EPHA5: variants seen among roughly 807,000 people sequenced by gnomAD.
EPHA5 encodes the protein ephrin type-A receptor 5.
In EPHA5, 60 loss-of-function variants were observed where a neutral mutation model predicts 105.0. The observed-to-expected ratio is 0.57, with a 90% confidence interval of 0.46 to 0.71. The LOEUF is 0.71. Among genes scored for constraint, EPHA5 ranks in the 30% least tolerant of loss-of-function variants. The probability of loss-of-function intolerance (pLI) is 0.00; values close to 1 mark genes in which losing one functional copy is unlikely to be tolerated. For synonymous variants in EPHA5, 513 were observed against 449.1 expected (o/e 1.14, Z -1.80); for missense variants, 1,218 against 1,274.7 (o/e 0.96, Z 0.68).
chr4:65,648,881 A>G (rs1252289504), intron 1 of EPHA5, among the ~76,000 whole-genome samples: 1 of 152,220 alleles, frequency 6.6e-6, no homozygotes, highest in Non-Finnish European at 1.5e-5. Flanking sequence ...TAGTTTGACA[A>G]CTGCTGCAGG....
intron 5 of EPHA5, among the ~76,000 whole-genome samples, chr4:65,449,849 C>T (rs1386713867): frequency 6.6e-6 from 1 of 152,026 alleles, no homozygotes; most frequent in Non-Finnish European, 1.5e-5. Context: ...TATGCTGCCA[C>T]CACCCAGAAC....
intron 2 of EPHA5, among the ~76,000 whole-genome samples, chr4:65,604,622 T>G (rs1034012790): frequency 6.6e-6 from 1 of 152,174 alleles, no homozygotes; most frequent in South Asian, 2.1e-4. Flanking sequence ...CAGAAAGATT[T>G]TATTTTAGGC....
intron 8 of EPHA5, 114 bp from the exon 9 acceptor site, chr4:65,367,538 C>A: frequency 1.1e-6 from 1 of 922,082 alleles, no homozygotes; most frequent in Non-Finnish European, 1.7e-6. Context: ...GATTTTCATA[C>A]TAGTAGTTTG....
At chr4:65,399,240 T>C (rs1211261012) in intron 8 of EPHA5, among the ~76,000 whole-genome samples, 1 of 152,166 alleles carries the variant, frequency 6.6e-6, no homozygotes. Context: ...CTGGCACTAA[T>C]TAAGTACTTG....
rs1430096557 is a variant in EPHA5, at chr4:65,333,530, AGTGTGTGTCTGTGTGTGTGTGTGTGT to A, written c.2790-1428_2790-1403del. ...ACAATTGTGTGCGTGTGCGTGTGAG[AGTGTGTGTCTGTGTGTGTGTGTGTGT>A]GTGTGTGTGTGTGTGTGTGTGTGCT... On this transcript the variant is annotated intron_variant, in intron 15 of 16. Transcript: ENST00000613740. 2.5e-4 allele frequency among the ~76,000 whole-genome samples: 31 copies of A among 122,606 alleles called. 1 individual carries two copies. The South Asian group carries it at 8.5e-3, about 34-fold the overall frequency. 80.4% of individuals were successfully genotyped at this position (122,606 alleles called of 152,430 possible). A position where few individuals can be genotyped will look rare whatever the true frequency, so the allele number is the denominator to read the frequency against.
At chr4:65,490,335 A>C in intron 5 of EPHA5, 42 bp downstream of exon 5, 1 of 1,560,972 alleles carries the variant, frequency 6.4e-7, no homozygotes, top group Non-Finnish European at 8.8e-7. Flanking sequence ...AATTGACAGA[A>C]CTAGGCCTCA....
intron 3 of EPHA5, among the ~76,000 whole-genome samples, chr4:65,572,657 A>G (rs774241925): frequency 6.6e-6 from 1 of 152,216 alleles, no homozygotes; most frequent in Non-Finnish European, 1.5e-5. Context: ...ACGGAATATG[A>G]CAAGTATCTG....
intron 5 of EPHA5, among the ~76,000 whole-genome samples, chr4:65,468,815 C>G (rs140717240): frequency 2.5e-3 from 385 of 151,040 alleles, no homozygotes; most frequent in African/African-American, 9.0e-3. Flanking sequence ...CAAAATTACA[C>G]AAAAATACTG....
intron 8 of EPHA5, among the ~76,000 whole-genome samples, chr4:65,368,019 G>C (rs1012668486): frequency 2.6e-5 from 4 of 151,928 alleles, no homozygotes; most frequent in African/African-American, 9.7e-5. Flanking sequence ...AAATTTGCAA[G>C]TTTTTGCAAA....
intron 3 of EPHA5, among the ~76,000 whole-genome samples, chr4:65,552,898 T>G (rs1384496713): frequency 2.0e-5 from 3 of 152,086 alleles, no homozygotes; most frequent in Non-Finnish European, 4.4e-5. Context: ...TCAATATAGA[T>G]ACATTTCCCA....
At chr4:65,627,648 C>A (rs147371814) in intron 2 of EPHA5, among the ~76,000 whole-genome samples, 4 of 152,066 alleles carry the variant, frequency 2.6e-5, no homozygotes, top group Non-Finnish European at 5.9e-5. Context: ...ATAGCATTGC[C>A]ATTTCTATGT....
chr4:65,528,397 C>T (rs1053834000), intron 3 of EPHA5, among the ~76,000 whole-genome samples: 2 of 142,224 alleles, frequency 1.4e-5, no homozygotes, highest in Admixed American at 1.4e-4. Flanking sequence ...CACTGAAGTA[C>T]ATTTTGTGCA....
intron 2 of EPHA5, among the ~76,000 whole-genome samples, chr4:65,637,943 G>C (rs1747296781): frequency 6.6e-6 from 1 of 152,082 alleles, no homozygotes; most frequent in Non-Finnish European, 1.5e-5. Context: ...GAAAAGTATT[G>C]CAGGTGCAAT....
intron 15 of EPHA5, among the ~76,000 whole-genome samples, chr4:65,332,683 A>G (rs1720751895): frequency 6.6e-6 from 1 of 151,674 alleles, no homozygotes; most frequent in Non-Finnish European, 1.5e-5. Context: ...TGCACCTTCC[A>G]CTCAATTTTG....
At chr4:65,569,169 G>C (rs1031475155) in intron 3 of EPHA5, among the ~76,000 whole-genome samples, 3 of 151,402 alleles carry the variant, frequency 2.0e-5, no homozygotes, top group African/African-American at 7.2e-5. Flanking sequence ...AAAAATTTAG[G>C]TTAGGCTCAT....
chr4:65,602,550 C>T (rs900200439), intron 2 of EPHA5, among the ~76,000 whole-genome samples: 13 of 151,880 alleles, frequency 8.6e-5, no homozygotes, highest in Admixed American at 3.3e-4. Flanking sequence ...AACTCCAAGA[C>T]GAACACATAT....
intron 8 of EPHA5, among the ~76,000 whole-genome samples, chr4:65,385,691 A>G (rs1577978442): frequency 1.3e-5 from 2 of 152,040 alleles, no homozygotes; most frequent in East Asian, 3.9e-4. Context: ...GTGATTAATT[A>G]TGGTTACAAT....
chr4:65,615,358 G>A (rs191987818), intron 2 of EPHA5, among the ~76,000 whole-genome samples: 2 of 151,928 alleles, frequency 1.3e-5, no homozygotes, highest in South Asian at 4.1e-4. Flanking sequence ...ACTTGAACAT[G>A]ATAAAAGCTA....
At chr4:65,478,132 C>G (rs761223915) in intron 5 of EPHA5, among the ~76,000 whole-genome samples, 1 of 152,158 alleles carries the variant, frequency 6.6e-6, no homozygotes, top group East Asian at 1.9e-4. Context: ...TTGAGTGTTG[C>G]TGAAGACAAA....
Sources: allele counts gnomAD v4.1 joint callset (sites outside exome capture counted in the v4.1 genomes callset), GRCh38; gene constraint gnomAD v4.1.1; transcripts MANE v1.5; gene names NCBI Gene and HGNC (gene_info 2026-07-23, HGNC 2026-07-21).